RTKN2: variants seen among roughly 807,000 people sequenced by gnomAD.
RTKN2 encodes rhotekin-2.
In RTKN2, 69 loss-of-function variants were observed where a neutral mutation model predicts 71.5. The observed-to-expected ratio is 0.96, with a 90% CI of 0.79 to 1.18. The LOEUF is 1.18. Among genes scored for constraint, RTKN2 ranks in the 50% most tolerant of loss-of-function variants. The probability of loss-of-function intolerance (pLI) is 0.00; values close to 1 mark genes in which losing one functional copy is unlikely to be tolerated. For missense variants in RTKN2, 724 were observed against 719.7 expected (o/e 1.01, Z -0.07); for synonymous variants, 236 against 236.5 (o/e 1.00, Z 0.02).
At chr10:62,256,596 T>C (rs1842679846) in intron 2 of RTKN2, among the ~76,000 whole-genome samples, 1 of 152,180 alleles carries the variant, frequency 6.6e-6, no homozygotes, top group South Asian at 2.1e-4. Flanking sequence ...TTGTGGTGTG[T>C]GTGCCATGTT....
At chr10:62,220,786 AAAAT>A (rs1841888417) in intron 7 of RTKN2, among the ~76,000 whole-genome samples, 2 of 152,168 alleles carry the variant, frequency 1.3e-5, no homozygotes, top group African/African-American at 4.8e-5. Context: ...ACCAAAGGCA[AAAAT>A]AAATAAAAAG....
At position 62,239,679 on chromosome 10, in the gene RTKN2, T is replaced by C. The variant is rs141520597; in HGVS notation, c.457A>G (p.Thr153Ala). Residue 153 changes from threonine (T) to alanine (A), a missense_variant, in exon 5 of 12, where the codon ACA becomes GCA. Coordinates refer to ENST00000373789, the MANE Select transcript of RTKN2 (RefSeq NM_145307.4). The stretch of plus-strand genomic sequence containing the variant: ...GTTACATTTTCAAAACATATATCTG[T>C]GATTGTTTTATCCACATTCACCACA... Reference protein sequence around the residue: ...TDVVNVDKTITDICFENVTIF... With the variant: ...TDVVNVDKTIADICFENVTIF... The C allele has an allele frequency of 6.3e-4, 973 of 1,542,162 alleles. 1 individual carries two copies. Among genetic ancestry groups the C allele is most frequent in the Middle Eastern group, 1.2e-3 (7 of 5,926 alleles).
intron 9 of RTKN2, among the ~76,000 whole-genome samples, chr10:62,210,097 C>G (rs533163838): frequency 4.1e-4 from 63 of 152,236 alleles, no homozygotes; most frequent in Non-Finnish European, 7.2e-4. Flanking sequence ...ATGAGCATTC[C>G]TTTTTCTAAA....
intron 9 of RTKN2, among the ~76,000 whole-genome samples, chr10:62,206,127 A>G (rs577351514): frequency 6.6e-4 from 100 of 152,302 alleles, no homozygotes; most frequent in Non-Finnish European, 4.7e-4. Flanking sequence ...TGTATTTTAC[A>G]CTTACAGCAC....
At chr10:62,264,212 G>A (rs898390755) in intron 1 of RTKN2, among the ~76,000 whole-genome samples, 19 of 152,120 alleles carry the variant, frequency 1.2e-4, no homozygotes, top group African/African-American at 4.6e-4. Context: ...AGTTTTTGAA[G>A]ACTACCCCAA....
At chr10:62,241,934 C>T (rs1242556140) in intron 3 of RTKN2, among the ~76,000 whole-genome samples, 5 of 151,828 alleles carry the variant, frequency 3.3e-5, no homozygotes, top group Middle Eastern at 3.2e-3. Flanking sequence ...CTCCTGACCT[C>T]GTGATCCGCC....
At chr10:62,189,779 A>C (rs1043276786), downstream of RTKN2, among the ~76,000 whole-genome samples, 3 of 151,958 alleles carry the variant, frequency 2.0e-5, no homozygotes, top group Non-Finnish European at 4.4e-5. Flanking sequence ...CAGTGAGCCA[A>C]GATCACGCCA....
Position 62,193,379 on chromosome 10 carries a change from T to G in RTKN2, c.*4529A>C. The G allele has an allele frequency of 1.0e-6, 1 of 982,036 alleles. No individual in the cohort carries two copies. Among genetic ancestry groups the G allele is most frequent in the Non-Finnish European group, 1.2e-6 (1 of 826,828 alleles). The allele number at this position is 982,036 out of a possible 1,614,324, so 60.8% of individuals were successfully genotyped here. A position where few individuals can be genotyped will look rare whatever the true frequency, so the allele number is the denominator to read the frequency against. ...GATCTGGAATGATCTTTTCTAATTA[T>G]TAAACGTGTCAGCATTAGTATTTTC... On this transcript the variant is annotated 3_prime_UTR_variant, in exon 12 of 12. Transcript: ENST00000373789.
intron 11 of RTKN2, 43 bp downstream of exon 11, chr10:62,199,711 G>T: frequency 8.2e-7 from 1 of 1,213,790 alleles, no homozygotes; most frequent in Non-Finnish European, 1.2e-6. Context: ...GGACAATGTT[G>T]TTTTTGTTAT....
intron 3 of RTKN2, among the ~76,000 whole-genome samples, chr10:62,241,890 G>A (rs1842383271): frequency 6.6e-6 from 1 of 152,114 alleles, no homozygotes; most frequent in South Asian, 2.1e-4. Context: ...TAGGAGAGAT[G>A]GGGTTTTACC....
At chr10:62,184,445 A>G in intron 8 of RTKN2, 1 of 862,132 alleles carries the variant, frequency 1.2e-6, no homozygotes, top group South Asian at 1.7e-5. Context: ...AAAACCAGAA[A>G]GTCACCACCA....
chr10:62,250,221 A>G (rs1268946494), intron 2 of RTKN2, among the ~76,000 whole-genome samples: 1 of 152,224 alleles, frequency 6.6e-6, no homozygotes, highest in Admixed American at 6.5e-5. Context: ...AGTGGATACC[A>G]GAGCACTGGT....
chr10:62,214,064 G>A (rs1841717379), intron 9 of RTKN2, among the ~76,000 whole-genome samples: 1 of 151,758 alleles, frequency 6.6e-6, no homozygotes, highest in South Asian at 2.1e-4. Context: ...GGCTTCTAAA[G>A]AGAAAAACAC....
At chr10:62,221,754 T>C (rs1841912528) in intron 7 of RTKN2, among the ~76,000 whole-genome samples, 1 of 151,924 alleles carries the variant, frequency 6.6e-6, no homozygotes, top group Non-Finnish European at 1.5e-5. Context: ...TTAGCAAATA[T>C]GGAACACACG....
downstream of RTKN2, among the ~76,000 whole-genome samples, chr10:62,189,700 C>T (rs1456593810): frequency 6.6e-6 from 1 of 152,172 alleles, no homozygotes; most frequent in African/African-American, 2.4e-5. Flanking sequence ...GAGGCACATG[C>T]CTGTTGTCCC....
intron 6 of RTKN2, among the ~76,000 whole-genome samples, chr10:62,231,794 A>T (rs1842154293): frequency 6.6e-6 from 1 of 152,172 alleles, no homozygotes; most frequent in Non-Finnish European, 1.5e-5. Context: ...TTATCATTTT[A>T]TATGTGTCCA....
intron 9 of RTKN2, among the ~76,000 whole-genome samples, chr10:62,216,331 AG>A (rs1044244860): frequency 2.0e-5 from 3 of 152,072 alleles, no homozygotes; most frequent in Non-Finnish European, 4.4e-5. Flanking sequence ...AGAAACAATT[AG>A]GGGCAGCCCA....
chr10:62,263,603 GA>G (rs1485254190), intron 1 of RTKN2, among the ~76,000 whole-genome samples: 3 of 152,212 alleles, frequency 2.0e-5, no homozygotes, highest in Non-Finnish European at 4.4e-5. Flanking sequence ...AATTAACCAA[GA>G]AAAACATTCT....
intron 6 of RTKN2, among the ~76,000 whole-genome samples, chr10:62,231,347 G>C (rs1310875500): frequency 6.6e-6 from 1 of 152,120 alleles, no homozygotes; most frequent in Admixed American, 6.5e-5. Context: ...ATTTTAGTAA[G>C]CTAAATTCCA....
Sources: gnomAD v4.1 joint callset for allele counts (sites outside exome capture counted in the v4.1 genomes callset) on GRCh38, gnomAD v4.1.1 for gene constraint, MANE v1.5 for transcripts, NCBI Gene and HGNC (gene_info 2026-07-23, HGNC 2026-07-21) for gene names.